The following SEMA6D variants were observed in gnomAD, a reference collection of about 807,000 sequenced individuals.
SEMA6D encodes the protein semaphorin-6D.
In SEMA6D, 35 loss-of-function variants were observed where a neutral mutation model predicts 106.6. That is an observed-to-expected ratio of 0.33 (90% confidence interval 0.25 to 0.44). The LOEUF is 0.44. SEMA6D is among the 20% of genes least tolerant of loss of function. The pLI is 1.00. For synonymous variants in SEMA6D, 499 were observed against 487.7 expected, an observed-to-expected ratio of 1.02 and a Z score of -0.31; for missense variants, 1,185 against 1,345.9, an observed-to-expected ratio of 0.88 and a Z score of 1.87.
At chr15:47,355,060 C>T (rs1398379836) in intron 1 of SEMA6D, among the ~76,000 whole-genome samples, 1 of 152,082 alleles carries the variant, frequency 6.6e-6, no homozygotes, top group Non-Finnish European at 1.5e-5. Flanking sequence ...TCTGGGGCAC[C>T]AAACTCTAAA....
chr15:47,270,832 A>G lies in SEMA6D; in HGVS notation c.-239+86414A>G, dbSNP rs891732986. Among the ~76,000 whole-genome samples the G allele has an allele frequency of 2.0e-5, 3 of 147,900 alleles. No homozygotes were observed. In the East Asian group the frequency reaches 5.8e-4, roughly 29 times the overall value. ...AACATGGTGAAACCCCACCTCTACT[A>G]AAAATACAAAAAAAAAGCTGGATGT... On this transcript the variant is annotated intron_variant, in intron 1 of 19. Transcript: ENST00000558014.
At chr15:47,407,014 A>G (rs1329236752) in intron 1 of SEMA6D, among the ~76,000 whole-genome samples, 3 of 152,222 alleles carry the variant, frequency 2.0e-5, no homozygotes, top group African/African-American at 7.2e-5. Context: ...TTAAAAACAA[A>G]AAACTGTCCT....
chr15:47,298,332 C>CT lies in SEMA6D; in HGVS notation c.-239+113926dup, dbSNP rs920803949. On this transcript the variant is annotated intron_variant, in intron 1 of 19. Coordinates refer to the SEMA6D transcript ENST00000558014. ...AATATAGACAAAACAGGTTTGTTGT[C>CT]TTTTTTTTTTTTCTTTTCTCATTGA... is the stretch of plus-strand genomic sequence containing the variant. Among the ~76,000 whole-genome samples, 783 of 145,416 alleles carry CT rather than the reference C, an allele frequency of 5.4e-3. 4 individuals are homozygous for CT. Among genetic ancestry groups the CT allele is most frequent in the African/African-American group, 0.014 (542 of 39,938 alleles).
chr15:47,306,718 ATAAAG>A (rs753226399), intron 1 of SEMA6D, among the ~76,000 whole-genome samples: 10 of 152,274 alleles, frequency 6.6e-5, no homozygotes, highest in African/African-American at 2.2e-4. Context: ...CTGTCTCAAA[ATAAAG>A]TAAAATAAAA....
chr15:47,709,047 G>A (rs1251212701), intron 4 of SEMA6D, among the ~76,000 whole-genome samples: 1 of 152,140 alleles, frequency 6.6e-6, no homozygotes, highest in African/African-American at 2.4e-5. Flanking sequence ...GCATCAGTGG[G>A]CCTTCTTGCC....
intron 4 of SEMA6D, among the ~76,000 whole-genome samples, chr15:47,669,671 T>C: frequency 6.6e-6 from 1 of 152,214 alleles, no homozygotes; most frequent in Admixed American, 6.5e-5. Flanking sequence ...TAAATTCCTC[T>C]GTCAATCTCC....
intron 3 of SEMA6D, among the ~76,000 whole-genome samples, chr15:47,489,715 G>A (rs1287284421): frequency 1.3e-5 from 2 of 151,708 alleles, no homozygotes; most frequent in Admixed American, 6.6e-5. Flanking sequence ...GCAGTGGCGC[G>A]ATCTTGGCTC....
chr15:47,518,443 G>T (rs893213615), intron 3 of SEMA6D, among the ~76,000 whole-genome samples: 6 of 152,138 alleles, frequency 3.9e-5, no homozygotes, highest in Non-Finnish European at 1.5e-5. Context: ...AAGAAATGTG[G>T]TATTAGGTGA....
intron 1 of SEMA6D, among the ~76,000 whole-genome samples, chr15:47,745,358 G>T (rs1274335983): frequency 6.6e-6 from 1 of 152,196 alleles, no homozygotes; most frequent in Non-Finnish European, 1.5e-5. Flanking sequence ...GGACCAAGTG[G>T]TGAACTAGCT....
intron 1 of SEMA6D, among the ~76,000 whole-genome samples, chr15:47,286,156 C>G (rs2035352330): frequency 6.6e-6 from 1 of 152,106 alleles, no homozygotes; most frequent in East Asian, 1.9e-4. Flanking sequence ...TCTCTGAAAC[C>G]ACTTGTCTGA....
chr15:47,548,755 A>G (rs549113519), intron 3 of SEMA6D, among the ~76,000 whole-genome samples: 2 of 152,318 alleles, frequency 1.3e-5, no homozygotes, highest in African/African-American at 4.8e-5. Flanking sequence ...GTACGTATAT[A>G]TACAAATGCA....
At chr15:47,432,824 TA>T (rs1456641212) in intron 2 of SEMA6D, among the ~76,000 whole-genome samples, 1 of 152,154 alleles carries the variant, frequency 6.6e-6, no homozygotes, top group East Asian at 1.9e-4. Flanking sequence ...TGCAAATGAT[TA>T]AATGTATGTC....
intron 4 of SEMA6D, among the ~76,000 whole-genome samples, chr15:47,610,096 A>C (rs917029465): frequency 6.6e-6 from 1 of 152,218 alleles, no homozygotes; most frequent in African/African-American, 2.4e-5. Flanking sequence ...GGGTCTTACT[A>C]AGGAAGTATT....
At position 47,257,950 on chromosome 15, in the gene SEMA6D, A is replaced by G. The variant is rs906797806; in HGVS notation, c.-239+73532A>G. Reference sequence around the variant, plus strand: ...AGGTTATGTTTTTTAGTGTATACACATTTAGAATCATTGTATTTTTATTGA... The same window carrying G: ...AGGTTATGTTTTTTAGTGTATACACGTTTAGAATCATTGTATTTTTATTGA... On this transcript the variant is annotated intron_variant, in intron 1 of 19. Coordinates refer to the SEMA6D transcript ENST00000558014. Among the ~76,000 whole-genome samples the G allele has an allele frequency of 2.0e-5, 3 of 152,180 alleles. No individual in the cohort carries two copies. The East Asian group carries it at 5.8e-4, about 29-fold the overall frequency.
chr15:47,699,155 A>G (rs2078759463), intron 4 of SEMA6D, among the ~76,000 whole-genome samples: 1 of 152,182 alleles, frequency 6.6e-6, no homozygotes, highest in Non-Finnish European at 1.5e-5. Context: ...CCAGCTTTTT[A>G]AAGGCCTTTA....
intron 1 of SEMA6D, among the ~76,000 whole-genome samples, chr15:47,282,054 T>A (rs1361999731): frequency 6.6e-6 from 1 of 152,182 alleles, no homozygotes; most frequent in Non-Finnish European, 1.5e-5. Flanking sequence ...ATTGTCCTTA[T>A]TACTGTAAAT....
chr15:47,645,503 G>A (rs1329646587), intron 4 of SEMA6D, among the ~76,000 whole-genome samples: 1 of 150,114 alleles, frequency 6.7e-6, no homozygotes, highest in Non-Finnish European at 1.5e-5. Flanking sequence ...CAAAGTTGGA[G>A]TTTTTTTTTT....
At chr15:47,418,779 TGGA>T (rs1347998806) in intron 2 of SEMA6D, among the ~76,000 whole-genome samples, 1 of 151,964 alleles carries the variant, frequency 6.6e-6, no homozygotes, top group Non-Finnish European at 1.5e-5. Context: ...TGTGCCTAGG[TGGA>T]GAAGGTGACC....
intron 1 of SEMA6D, among the ~76,000 whole-genome samples, chr15:47,743,488 G>A (rs765): frequency 0.47 from 72,134 of 151,958 alleles, 17,868 homozygotes; most frequent in Non-Finnish European, 0.53. Flanking sequence ...ATTTGCAGAC[G>A]TAAAAGGCAG....
Sources: gnomAD v4.1 joint callset for allele counts (sites outside exome capture counted in the v4.1 genomes callset) on GRCh38, gnomAD v4.1.1 for gene constraint, MANE v1.5 for transcripts, NCBI Gene and HGNC (gene_info 2026-07-23, HGNC 2026-07-21) for gene names.